BRD10: variants seen among roughly 807,000 people sequenced by gnomAD.
BRD10 encodes the protein bromodomain containing 10.
At chr9:5,937,762 A>G in the BRD10 span, among the ~76,000 whole-genome samples, 2 of 152,348 alleles carry the variant, frequency 1.3e-5, no homozygotes, top group East Asian at 3.9e-4. Flanking sequence ...CAAACCATCA[A>G]GCCAAACTGC....
the BRD10 span, chr9:6,007,819 A>T: frequency 7.0e-7 from 1 of 1,430,564 alleles, no homozygotes; most frequent in Non-Finnish European, 9.1e-7. Flanking sequence ...GCGGTGTGGA[A>T]CAGCCGCTCG....
At chr9:5,938,833 T>C in the BRD10 span, among the ~76,000 whole-genome samples, 1 of 152,168 alleles carries the variant, frequency 6.6e-6, no homozygotes, top group African/African-American at 2.4e-5. Flanking sequence ...ATCGTACACA[T>C]GATGTGACTG....
At chr9:5,883,458 TC>T in the BRD10 span, among the ~76,000 whole-genome samples, 1 of 109,832 alleles carries the variant, frequency 9.1e-6, no homozygotes, top group African/African-American at 4.0e-5. Context: ...TATTCCTTCT[TC>T]TTCTTTTTTT....
chr9:5,893,163 CA>C, the BRD10 span, among the ~76,000 whole-genome samples: 1 of 152,190 alleles, frequency 6.6e-6, no homozygotes, highest in African/African-American at 2.4e-5. Context: ...AAAAAACTCA[CA>C]ACTTAGTGGG....
At chr9:5,880,306 G>C in the BRD10 span, among the ~76,000 whole-genome samples, 1 of 150,310 alleles carries the variant, frequency 6.7e-6, no homozygotes, top group Non-Finnish European at 1.5e-5. Flanking sequence ...AAGGTGAAGA[G>C]TTAGAGACCA....
chr9:5,929,762 A>G, the BRD10 span, among the ~76,000 whole-genome samples: 3 of 152,146 alleles, frequency 2.0e-5, no homozygotes, highest in African/African-American at 7.2e-5. Flanking sequence ...TCACATATAT[A>G]TATATCTAGA....
the BRD10 span, among the ~76,000 whole-genome samples, chr9:5,938,824 T>G: frequency 6.6e-6 from 1 of 152,154 alleles, no homozygotes; most frequent in Non-Finnish European, 1.5e-5. Context: ...AAAAAATATA[T>G]CGTACACATG....
the BRD10 span, among the ~76,000 whole-genome samples, chr9:5,879,157 A>G: frequency 1.3e-5 from 2 of 152,196 alleles, no homozygotes; most frequent in African/African-American, 4.8e-5. Context: ...AGAAGAATAC[A>G]AAGAAACATC....
chr9:5,969,828 G>A, the BRD10 span, among the ~76,000 whole-genome samples: 1 of 152,296 alleles, frequency 6.6e-6, no homozygotes, highest in South Asian at 2.1e-4. Flanking sequence ...TTACAGGCAT[G>A]AGCTACTGTG....
chr9:5,892,648 T>C, the BRD10 span: 2 of 947,816 alleles, frequency 2.1e-6, no homozygotes, highest in South Asian at 1.8e-5. Flanking sequence ...TAAATCTCCC[T>C]AGTGTTTATC....
At chr9:5,910,163 T>A in the BRD10 span, 13 of 152,346 alleles carry the variant, frequency 8.5e-5, no homozygotes, top group East Asian at 1.9e-3. Context: ...ACTGGAAGGC[T>A]TACAAGAGTT....
At chr9:5,978,546 T>C in the BRD10 span, among the ~76,000 whole-genome samples, 25 of 152,272 alleles carry the variant, frequency 1.6e-4, no homozygotes, top group Non-Finnish European at 3.4e-4. Context: ...ATCAAGTCCA[T>C]CAGTCAACCT....
At chr9:5,986,869 T>C in the BRD10 span, among the ~76,000 whole-genome samples, 2 of 152,236 alleles carry the variant, frequency 1.3e-5, no homozygotes, top group Non-Finnish European at 2.9e-5. Flanking sequence ...TTCATTATCA[T>C]ATTAAACAAT....
At chr9:5,933,355 T>C in the BRD10 span, among the ~76,000 whole-genome samples, 1 of 152,240 alleles carries the variant, frequency 6.6e-6, no homozygotes, top group Admixed American at 6.5e-5. Flanking sequence ...AAGCAGTATT[T>C]TTCTTTTATG....
the BRD10 span, among the ~76,000 whole-genome samples, chr9:5,955,876 A>G: frequency 6.6e-5 from 10 of 152,306 alleles, no homozygotes; most frequent in East Asian, 1.9e-4. Context: ...TAAATTCTTG[A>G]TATCTCTATA....
At chr9:5,922,927 T>C in the BRD10 span, 11 of 1,614,020 alleles carry the variant, frequency 6.8e-6, no homozygotes, top group East Asian at 2.2e-5. Flanking sequence ...AAGGAGGCAG[T>C]TGATTTGTTA....
chr9:5,988,576 C>A, the BRD10 span: 1 of 1,551,718 alleles, frequency 6.4e-7, no homozygotes, highest in South Asian at 1.1e-5. Flanking sequence ...TTCACAAGGT[C>A]AAATCTTCTG....
chr9:5,998,212 A>G, the BRD10 span, among the ~76,000 whole-genome samples: 5 of 152,144 alleles, frequency 3.3e-5, no homozygotes, highest in African/African-American at 1.2e-4. Context: ...TGGCCTCTTA[A>G]CAGTAGGAGA....
the BRD10 span, chr9:5,921,117 C>G: frequency 6.2e-7 from 1 of 1,613,922 alleles, no homozygotes; most frequent in Non-Finnish European, 8.5e-7. Flanking sequence ...TTTGAGCTTA[C>G]TGGAACTGAA....
Sources: gnomAD v4.1 joint callset for allele counts (sites outside exome capture counted in the v4.1 genomes callset) on GRCh38, gnomAD v4.1.1 for gene constraint, MANE v1.5 for transcripts, NCBI Gene and HGNC (gene_info 2026-07-23, HGNC 2026-07-21) for gene names.